Variants in KNDC1 observed in about 807,000 individuals in gnomAD.
KNDC1 encodes the protein kinase non-catalytic C-lobe domain-containing protein 1.
A neutral mutation model predicts 172.8 loss-of-function variants in KNDC1; 106 were observed. The observed-to-expected ratio is 0.61, with a 90% CI of 0.52 to 0.72. The LOEUF (loss-of-function observed/expected upper bound fraction) is 0.72, where lower values mean the gene tolerates loss of function less well. Ranked by LOEUF, KNDC1 falls within the 30% of genes least tolerant of loss-of-function variation. KNDC1 has a pLI of 0.00. For synonymous variants in KNDC1, 1,083 were observed against 1,062.2 expected (o/e 1.02, Z -0.38); for missense variants, 2,325 against 2,394.5 (o/e 0.97, Z 0.61).
chr10:133,194,927 T>C (rs1267190480), intron 9 of KNDC1, among the ~76,000 whole-genome samples: 1 of 152,234 alleles, frequency 6.6e-6, no homozygotes, highest in Non-Finnish European at 1.5e-5. Flanking sequence ...ACCATCTGAT[T>C]CAGCAAAGAC....
chr10:133,213,361 G>A (rs966432131), intron 24 of KNDC1, among the ~76,000 whole-genome samples: 1 of 152,220 alleles, frequency 6.6e-6, no homozygotes, highest in Non-Finnish European at 1.5e-5. Context: ...CTCTTCCCAG[G>A]TCCCTGCCAT....
rs1171089142 is a variant in KNDC1, at chr10:133,206,668, CTG to C, written c.3388-13_3388-12del. On this transcript the variant is annotated splice_polypyrimidine_tract_variant and intron_variant, in intron 17 of 29. Transcript: ENST00000304613. Reference sequence around the variant, plus strand: ...GTTGGGGCTGCCTGGGGCTTAGGCGCTGTGTTTCGTCCCCAGGAGCTGGAACA... The same window carrying C: ...GTTGGGGCTGCCTGGGGCTTAGGCGCTGTTTCGTCCCCAGGAGCTGGAACA... 1.9e-6 allele frequency: 3 copies of C among 1,611,122 alleles called. No homozygotes were observed. The highest frequency in any genetic ancestry group is 2.5e-6 in the Non-Finnish European group (3 of 1,177,768).
At position 133,199,127 on chromosome 10, in the gene KNDC1, G is replaced by A; in HGVS notation, c.2619G>A (p.Arg873=). 6.2e-7 allele frequency: 1 copy of A among 1,606,370 alleles called. No homozygotes were observed. The highest frequency in any genetic ancestry group is 8.5e-7 in the Non-Finnish European group (1 of 1,177,414). Residue 873 remains arginine, a synonymous_variant, in exon 14 of 30, where the codon AGG becomes AGA. Transcript: ENST00000304613. ...AGAGGCCGCGGCCCGCAGACCGGAG[G>A]CTCTGTCTGCCCTGCGTGGATGCCT... The part of the protein sequence containing the change: ...VPERPRPADR[R]LCLPCVDASP...
At position 133,189,668 on chromosome 10, in the gene KNDC1, C is replaced by G. The variant is rs755288859; in HGVS notation, c.1512C>G (p.Asn504Lys). The G allele has an allele frequency of 6.2e-6, 10 of 1,613,834 alleles. No homozygotes were observed. In the African/African-American group the frequency reaches 9.3e-5, roughly 15 times the overall value. The change falls in exon 8 of 30, where the codon AAC becomes AAG. Residue 504 changes from asparagine (N) to lysine (K), a missense_variant and splice_region_variant. Coordinates refer to ENST00000304613, the MANE Select transcript of KNDC1 (RefSeq NM_152643.8). ...GAVLFQPPPA[N>K]GSYDSFFLAP... ...TGCTCTTCCAGCCACCCCCTGCCAACGGTGAGTGTGTGGGTTCCCCTCAGG... is the reference window on the plus strand; with the variant it reads ...TGCTCTTCCAGCCACCCCCTGCCAAGGGTGAGTGTGTGGGTTCCCCTCAGG...
At chr10:133,221,126 G>T (rs1269996294) in intron 29 of KNDC1, among the ~76,000 whole-genome samples, 1 of 152,084 alleles carries the variant, frequency 6.6e-6, no homozygotes, top group African/African-American at 2.4e-5. Context: ...CACCCTGAGG[G>T]TCTCTGCAGC....
In KNDC1 at chr10:133,183,334, G is replaced by A. The variant is rs375902178; in HGVS notation, c.361-10G>A. The A allele has an allele frequency of 2.8e-5, 45 of 1,583,384 alleles. No individual in the cohort carries two copies. Among genetic ancestry groups the A allele is most frequent in the East Asian group, 2.3e-4 (10 of 43,696 alleles). ...GAGACTCTGGAGCTGACAGCCTGTC[G>A]TGCCCACAGGCGCACATCTACTCTC... On this transcript the variant is annotated splice_polypyrimidine_tract_variant and intron_variant, in intron 3 of 29. Coordinates refer to ENST00000304613, the MANE Select transcript of KNDC1 (RefSeq NM_152643.8).
rs1042140786 is a variant in KNDC1 at position 133,160,412 on chromosome 10, G to GAGCCC, written c.-41_-37dup. ...CCATGGAGCCAGGGCGCGCGTAGCC[G>GAGCCC]AGCCCAGCCCAGCCCAGCCGGAGGC... is the stretch of plus-strand genomic sequence containing the variant. On this transcript the variant is annotated 5_prime_UTR_variant, in exon 1 of 30. Transcript: ENST00000304613. 3.4e-5 allele frequency: 39 copies of GAGCCC among 1,144,922 alleles called. No individual in the cohort carries two copies. Among genetic ancestry groups the GAGCCC allele is most frequent in the East Asian group, 1.0e-4 (3 of 29,428 alleles). The allele number at this position is 1,144,922 out of a possible 1,614,324, so 70.9% of individuals were successfully genotyped here.
At position 133,199,691 on chromosome 10, in the gene KNDC1, C is replaced by T. The variant is rs569268986; in HGVS notation, c.2903+89C>T. 3.5e-6 allele frequency: 5 copies of T among 1,430,046 alleles called. No homozygotes were observed. In the South Asian group the frequency reaches 6.4e-5, roughly 18 times the overall value. The allele number at this position is 1,430,046 out of a possible 1,614,324, so 88.6% of individuals were successfully genotyped here. ...CTGCCTGACCCGGGCCCAGCCTTCC[C>T]CTCCCAACCCTCCGCTTCCATCTCG... On this transcript the variant is annotated intron_variant, in intron 15 of 29. Transcript: ENST00000304613.
intron 24 of KNDC1, 63 bp downstream of exon 24, chr10:133,212,985 G>A (rs897126405): frequency 7.1e-5 from 98 of 1,380,176 alleles, no homozygotes; most frequent in African/African-American, 1.3e-4. Context: ...AACACTCCGC[G>A]CCCATAGGGC....
Position 133,199,507 on chromosome 10 carries a change from C to A in KNDC1, c.2808C>A (p.Gly936=). 6.2e-7 allele frequency: 1 copy of A among 1,613,912 alleles called. No homozygotes were observed. The highest frequency in any genetic ancestry group is 8.5e-7 in the Non-Finnish European group (1 of 1,179,986). The change falls in exon 15 of 30, where the codon GGC becomes GGA. Residue 936 remains glycine, a synonymous_variant. Coordinates refer to ENST00000304613, the MANE Select transcript of KNDC1 (RefSeq NM_152643.8). ...LKDLTFATFC[G]AISEKFCDLY... Reference sequence around the variant, plus strand: ...ATCTCACCTTTGCCACTTTCTGTGGCGCCATTTCCGAGAAGTTCTGTGACC... The same window carrying A: ...ATCTCACCTTTGCCACTTTCTGTGGAGCCATTTCCGAGAAGTTCTGTGACC...
intron 9 of KNDC1, among the ~76,000 whole-genome samples, chr10:133,192,342 G>T (rs1000318661): frequency 6.6e-6 from 1 of 152,138 alleles, no homozygotes; most frequent in African/African-American, 2.4e-5. Context: ...CAGAAATAAG[G>T]CTGCACGCCT....
At chr10:133,169,678 C>T (rs28530567) in intron 3 of KNDC1, among the ~76,000 whole-genome samples, 22 of 151,774 alleles carry the variant, frequency 1.4e-4, no homozygotes, top group African/African-American at 4.8e-4. Context: ...GCCTGGTGGC[C>T]GGGACATGGT....
chr10:133,183,303 C>T, intron 3 of KNDC1, 41 bp from the exon 4 acceptor site: 1 of 1,542,542 alleles, frequency 6.5e-7, no homozygotes, highest in Non-Finnish European at 8.8e-7. Flanking sequence ...GGGTGGCGCA[C>T]ACGCAGAGAC....
At chr10:133,169,631 C>T (rs1032169487) in intron 3 of KNDC1, among the ~76,000 whole-genome samples, 1 of 152,374 alleles carries the variant, frequency 6.6e-6, no homozygotes, top group Non-Finnish European at 1.5e-5. Context: ...ACCCAACTCC[C>T]TGCAGCAGTG....
chr10:133,165,579 G>A (rs759188789), intron 1 of KNDC1, among the ~76,000 whole-genome samples: 20 of 152,232 alleles, frequency 1.3e-4, no homozygotes, highest in Non-Finnish European at 2.5e-4. Flanking sequence ...CTTGGTGCAC[G>A]TCTGTGCCCG....
chr10:133,222,323 G>T (rs971778182), intron 29 of KNDC1, among the ~76,000 whole-genome samples: 8 of 151,950 alleles, frequency 5.3e-5, no homozygotes, highest in African/African-American at 1.9e-4. Context: ...AATCAGGAAA[G>T]AAAACAAGCC....
At chr10:133,186,743 A>T in intron 6 of KNDC1, 69 bp downstream of exon 6, 1 of 1,058,166 alleles carries the variant, frequency 9.5e-7, no homozygotes, top group Non-Finnish European at 1.3e-6. Context: ...GGGCCTCTCC[A>T]CAGATGCAAA....
At chr10:133,211,268 GA>G (rs981042782) in intron 21 of KNDC1, among the ~76,000 whole-genome samples, 153 bp from the exon 22 acceptor site, 3 of 151,160 alleles carry the variant, frequency 2.0e-5, no homozygotes, top group Admixed American at 6.6e-5. Context: ...TGCCTCGGGG[GA>G]GGGACCCACG....
chr10:133,188,650 C>T lies in KNDC1; in HGVS notation c.1438C>T (p.Pro480Ser). ...CGCACTGCAGACACGCCCTGAGCAC[C>T]CAGGTGACGCACGCACCATCCCATC... ...LRALQTRPEH[P>S]AYLCLDSVLV... Residue 480 changes from proline (P) to serine (S), a missense_variant, in exon 7 of 30, where the codon CCA becomes TCA. Transcript: ENST00000304613. 6.4e-7 allele frequency: 1 copy of T among 1,572,184 alleles called. No individual in the cohort carries two copies. Among genetic ancestry groups the T allele is most frequent in the Non-Finnish European group, 8.6e-7 (1 of 1,161,020 alleles).
Sources: gnomAD v4.1 joint callset for allele counts (sites outside exome capture counted in the v4.1 genomes callset) on GRCh38, gnomAD v4.1.1 for gene constraint, MANE v1.5 for transcripts, NCBI Gene and HGNC (gene_info 2026-07-23, HGNC 2026-07-21) for gene names.